The following DPYD variants were observed in gnomAD, a reference collection of about 807,000 sequenced individuals.
The protein encoded by DPYD is dihydropyrimidine dehydrogenase [NADP(+)].
A neutral mutation model predicts 116.2 loss-of-function variants in DPYD; 109 were observed. The ratio of observed to expected loss-of-function variants is 0.94; its 90% CI spans 0.80 to 1.10. The LOEUF is 1.10. Ranked by LOEUF, DPYD falls within the 50% of genes least tolerant of loss-of-function variation. The pLI is 0.00. For missense variants in DPYD, 1,302 were observed against 1,254.5 expected (o/e 1.04, Z -0.57); for synonymous variants, 440 against 432.0 (o/e 1.02, Z -0.23).
chr1:97,341,164 C>T (rs911690523), intron 16 of DPYD, among the ~76,000 whole-genome samples: 4 of 152,154 alleles, frequency 2.6e-5, no homozygotes, highest in Non-Finnish European at 5.9e-5. Context: ...AACAATTTCT[C>T]TTACTGGGCT....
At chr1:97,413,390 C>T (rs1466735895) in intron 14 of DPYD, among the ~76,000 whole-genome samples, 8 of 152,056 alleles carry the variant, frequency 5.3e-5, no homozygotes, top group African/African-American at 1.7e-4. Flanking sequence ...AAGAGTAATG[C>T]GGATTTTTGC....
chr1:97,365,075 C>T lies in DPYD; in HGVS notation c.2058+8486G>A, dbSNP rs191654952. On this transcript the variant is annotated intron_variant, in intron 16 of 22. Coordinates refer to ENST00000370192, the MANE Select transcript of DPYD (RefSeq NM_000110.4). ...TTTAATTTGTCTTATTCCTTATCTT[C>T]TCTCTTGCCTTATCTTGAACTCTGT... Among the ~76,000 whole-genome samples, 18 of 152,330 alleles carry T rather than the reference C, an allele frequency of 1.2e-4. No homozygotes were observed. In the East Asian group the frequency reaches 3.5e-3, roughly 29 times the overall value.
At chr1:97,460,203 G>A (rs1429422653) in intron 13 of DPYD, among the ~76,000 whole-genome samples, 1 of 152,182 alleles carries the variant, frequency 6.6e-6, no homozygotes, top group Admixed American at 6.5e-5. Flanking sequence ...CTCTAAGATT[G>A]TATGTTTTGC....
chr1:97,519,176 C>T (rs1648460340), intron 12 of DPYD, among the ~76,000 whole-genome samples: 2 of 152,074 alleles, frequency 1.3e-5, no homozygotes, highest in Non-Finnish European at 2.9e-5. Context: ...TAAAGACATG[C>T]TCAAAACTGG....
At chr1:97,415,537 G>T (rs1331658874) in intron 14 of DPYD, among the ~76,000 whole-genome samples, 1 of 152,084 alleles carries the variant, frequency 6.6e-6, no homozygotes, top group African/African-American at 2.4e-5. Context: ...GGCCAGGTTG[G>T]TCTCAAACTC....
At chr1:97,603,172 T>A (rs1292452912) in intron 8 of DPYD, among the ~76,000 whole-genome samples, 1 of 151,972 alleles carries the variant, frequency 6.6e-6, no homozygotes, top group African/African-American at 2.4e-5. Flanking sequence ...CAGGCAAAGA[T>A]TTTTTTTCTT....
chr1:97,085,305 A>C (rs1313120107), intron 21 of DPYD, among the ~76,000 whole-genome samples: 1 of 152,236 alleles, frequency 6.6e-6, no homozygotes, highest in African/African-American at 2.4e-5. Context: ...TCTTCAAAAG[A>C]AACGTTGTAT....
intron 12 of DPYD, among the ~76,000 whole-genome samples, chr1:97,541,056 A>G (rs2102055924): frequency 6.6e-6 from 1 of 152,310 alleles, no homozygotes; most frequent in South Asian, 2.1e-4. Context: ...TGCATCTGAC[A>G]GATTTACTGG....
At chr1:97,399,038 T>C (rs1464388183) in intron 14 of DPYD, among the ~76,000 whole-genome samples, 4 of 152,224 alleles carry the variant, frequency 2.6e-5, no homozygotes, top group Middle Eastern at 3.2e-3. Context: ...ATGTCCTGAA[T>C]GGTATTGCCT....
chr1:97,872,686 CACAA>C (rs1671719688), intron 2 of DPYD, among the ~76,000 whole-genome samples: 1 of 151,936 alleles, frequency 6.6e-6, no homozygotes, highest in South Asian at 2.1e-4. Context: ...TACAGCATAT[CACAA>C]ACAAAGAATG....
intron 13 of DPYD, among the ~76,000 whole-genome samples, chr1:97,484,978 C>T (rs1678538204): frequency 6.6e-6 from 1 of 152,070 alleles, no homozygotes; most frequent in Non-Finnish European, 1.5e-5. Flanking sequence ...CATCTCTTTT[C>T]TTTCTGACTA....
intron 20 of DPYD, among the ~76,000 whole-genome samples, chr1:97,129,551 C>T (rs1207562741): frequency 6.6e-6 from 1 of 152,084 alleles, no homozygotes; most frequent in Non-Finnish European, 1.5e-5. Flanking sequence ...CAAGCACAGT[C>T]ATTTTCCTCT....
chr1:97,504,210 G>T (rs769259211), intron 13 of DPYD, among the ~76,000 whole-genome samples: 3 of 151,920 alleles, frequency 2.0e-5, no homozygotes, highest in Non-Finnish European at 4.4e-5. Flanking sequence ...TGTGTTCCCC[G>T]CAGTTTTATT....
At chr1:97,787,579 G>C (rs983585941) in intron 3 of DPYD, among the ~76,000 whole-genome samples, 11 of 152,062 alleles carry the variant, frequency 7.2e-5, no homozygotes, top group Non-Finnish European at 1.3e-4. Context: ...GCAAGTCTAA[G>C]GCACACCATT....
chr1:97,197,685 A>G (rs986590576), intron 19 of DPYD, among the ~76,000 whole-genome samples: 2 of 152,188 alleles, frequency 1.3e-5, no homozygotes, highest in Admixed American at 6.5e-5. Context: ...TTTTAACTGT[A>G]GAAGAACATG....
intron 2 of DPYD, among the ~76,000 whole-genome samples, chr1:97,867,759 G>T (rs1021021481): frequency 4.0e-5 from 6 of 151,786 alleles, no homozygotes; most frequent in Admixed American, 3.9e-4. Context: ...AGCTCACAAC[G>T]AACATCATAT....
chr1:97,576,491 T>C (rs1304273199), intron 10 of DPYD, among the ~76,000 whole-genome samples: 3 of 152,188 alleles, frequency 2.0e-5, no homozygotes, highest in East Asian at 1.9e-4. Flanking sequence ...ATCTCTTATA[T>C]ATTTTGGCAA....
intron 8 of DPYD, among the ~76,000 whole-genome samples, chr1:97,657,605 A>T (rs1482328111): frequency 6.6e-6 from 1 of 152,208 alleles, no homozygotes; most frequent in Non-Finnish European, 1.5e-5. Context: ...TTTTTAATAC[A>T]TTGTGTGTAA....
At chr1:97,788,806 ATTG>A (rs966070304) in intron 3 of DPYD, among the ~76,000 whole-genome samples, 48 of 151,890 alleles carry the variant, frequency 3.2e-4, no homozygotes, top group African/African-American at 9.6e-4. Context: ...TATTTTTCTT[ATTG>A]TTGTTGTTGT....
Sources: gnomAD v4.1 joint callset for allele counts (sites outside exome capture counted in the v4.1 genomes callset) on GRCh38, gnomAD v4.1.1 for gene constraint, MANE v1.5 for transcripts, NCBI Gene and HGNC (gene_info 2026-07-23, HGNC 2026-07-21) for gene names.